Variants in FAM53A observed in about 807,000 individuals in gnomAD.
FAM53A encodes the protein protein FAM53A.
FAM53A carries 28 observed loss-of-function variants against 26.6 expected under a neutral mutation model. The observed-to-expected ratio is 1.05, with a 90% CI of 0.78 to 1.45. The LOEUF (loss-of-function observed/expected upper bound fraction) is 1.45, where lower values mean the gene tolerates loss of function less well. Among genes scored for constraint, FAM53A ranks in the 40% most tolerant of loss-of-function variants. The pLI is 0.00. For missense variants in FAM53A, 650 were observed against 575.8 expected, an observed-to-expected ratio of 1.13 and a Z score of -1.32; for synonymous variants, 290 against 253.1, an observed-to-expected ratio of 1.15 and a Z score of -1.38.
chr4:1,668,551 C>T (rs755103056), intron 2 of FAM53A, 116 bp downstream of exon 2: 2 of 1,167,754 alleles, frequency 1.7e-6, no homozygotes, highest in South Asian at 1.4e-5. Flanking sequence ...CCTGGCCCAG[C>T]AGGGCCCCCC....
chr4:1,670,557 G>A (rs973082601), intron 1 of FAM53A, among the ~76,000 whole-genome samples: 1 of 152,196 alleles, frequency 6.6e-6, no homozygotes, highest in African/African-American at 2.4e-5. Context: ...GCTAAAGGCT[G>A]TGCCCGCCTG....
At chr4:1,666,672 A>G (rs1714259041) in intron 2 of FAM53A, among the ~76,000 whole-genome samples, 1 of 152,278 alleles carries the variant, frequency 6.6e-6, no homozygotes, top group Middle Eastern at 3.2e-3. Flanking sequence ...GGTCTTGGTT[A>G]GAGACACCTT....
chr4:1,615,729 C>T (rs530531475), downstream of FAM53A, among the ~76,000 whole-genome samples: 4 of 152,400 alleles, frequency 2.6e-5, no homozygotes, highest in South Asian at 8.3e-4. Flanking sequence ...AGAATGACCA[C>T]AAAAGCACCA....
At chr4:1,582,657 A>T in the FAM53A span, among the ~76,000 whole-genome samples, 2 of 152,180 alleles carry the variant, frequency 1.3e-5, no homozygotes, top group East Asian at 3.9e-4. Flanking sequence ...GGAGTTCAAG[A>T]CCAGCCTGGG....
At chr4:1,646,168 T>C (rs1358771411) in intron 4 of FAM53A, among the ~76,000 whole-genome samples, 3 of 152,040 alleles carry the variant, frequency 2.0e-5, no homozygotes, top group Non-Finnish European at 2.9e-5. Flanking sequence ...TGGCGCGGTC[T>C]CGGCTCACTG....
the FAM53A span, among the ~76,000 whole-genome samples, chr4:1,590,715 A>T: frequency 6.6e-6 from 1 of 151,798 alleles, no homozygotes; most frequent in Non-Finnish European, 1.5e-5. Context: ...TTTGTGAATA[A>T]TAAGTGTGCA....
chr4:1,608,975 G>A, the FAM53A span, among the ~76,000 whole-genome samples: 1 of 152,056 alleles, frequency 6.6e-6, no homozygotes, highest in Non-Finnish European at 1.5e-5. Flanking sequence ...GACACAGATG[G>A]CCCAGCGCTG....
At chr4:1,588,635 C>T in the FAM53A span, among the ~76,000 whole-genome samples, 1 of 152,204 alleles carries the variant, frequency 6.6e-6, no homozygotes, top group African/African-American at 2.4e-5. Context: ...AAGACGAATT[C>T]TCCAGCCCAG....
chr4:1,655,198 C>T lies in FAM53A; in HGVS notation c.662G>A (p.Arg221His), dbSNP rs370251492. The T allele has an allele frequency of 6.1e-5, 95 of 1,558,682 alleles. No individual in the cohort carries two copies. In the African/African-American group the frequency reaches 9.6e-4, roughly 16 times the overall value. ...GAGTCGCTCCTGTGAGAGGGACGGG[C>T]GGCGCCTCGTGGAGGGCAAGCAGGA... ...AESCLPSTRRRPSLSQERLAG... is the reference protein window; with the variant it reads ...AESCLPSTRRHPSLSQERLAG... Residue 221 changes from arginine to histidine, a missense_variant, in exon 4 of 5, where the codon CGC becomes CAC. By Grantham distance (29) the Arg-to-His change is conservative. Transcript: ENST00000308132.
In FAM53A at chr4:1,684,214, C is replaced by G. The variant is rs1275685302; in HGVS notation, c.-165+19G>C. ...CAAGAGAGGAGGGGGCGGCGGCGCG[C>G]TCCGCCCGGGCTCGGTACCTGAGCG... On this transcript the variant is annotated intron_variant, in intron 1 of 4. Transcript: ENST00000308132. 1 of 151,346 alleles carries G rather than the reference C, an allele frequency of 6.6e-6. No individual in the cohort carries two copies. Among genetic ancestry groups the G allele is most frequent in the Non-Finnish European group, 1.5e-5 (1 of 67,704 alleles). The allele number at this position is 151,346 out of a possible 1,614,324, so 9.4% of individuals were successfully genotyped here. A position where few individuals can be genotyped will look rare whatever the true frequency, so the allele number is the denominator to read the frequency against.
At chr4:1,613,386 G>A (rs1049602378), downstream of FAM53A, among the ~76,000 whole-genome samples, 3 of 152,208 alleles carry the variant, frequency 2.0e-5, no homozygotes, top group African/African-American at 4.8e-5. Context: ...CCCTCGGTAA[G>A]GGCCCTAATC....
At chr4:1,615,305 G>A (rs576418273), downstream of FAM53A, among the ~76,000 whole-genome samples, 171 of 124,266 alleles carry the variant, frequency 1.4e-3, 1 homozygote, top group Non-Finnish European at 2.5e-3. Flanking sequence ...ACAGGATGCG[G>A]CCACACCCAC....
rs1370584790 is a variant in FAM53A, at chr4:1,665,176, G to C, written c.75+3491C>G. Reference sequence around the variant, plus strand: ...TTAAAAATACAAAAAAAATTAGCCGGGCGTGGTGGCGCATGCCTGTAGTCC... The same window carrying C: ...TTAAAAATACAAAAAAAATTAGCCGCGCGTGGTGGCGCATGCCTGTAGTCC... On this transcript the variant is annotated intron_variant, in intron 2 of 4. Transcript: ENST00000308132. Among the ~76,000 whole-genome samples the C allele has an allele frequency of 2.0e-5, 3 of 152,090 alleles. No individual in the cohort carries two copies. In the East Asian group the frequency reaches 5.8e-4, roughly 29 times the overall value.
the FAM53A span, among the ~76,000 whole-genome samples, chr4:1,584,841 G>T: frequency 0.028 from 4,219 of 152,340 alleles, 128 homozygotes; most frequent in African/African-American, 0.072. Flanking sequence ...GTCATGCAGT[G>T]TCATTTGCAT....
At chr4:1,652,119 GCC>G in intron 4 of FAM53A, among the ~76,000 whole-genome samples, 1 of 69,620 alleles carries the variant, frequency 1.4e-5, no homozygotes, top group South Asian at 4.4e-4. Context: ...ACACACACAC[GCC>G]ACACACACCT....
the FAM53A span, among the ~76,000 whole-genome samples, chr4:1,592,638 CGTGA>C: frequency 6.6e-6 from 1 of 152,302 alleles, no homozygotes; most frequent in East Asian, 1.9e-4. Flanking sequence ...AGCCCAGGGC[CGTGA>C]CACTGGAGAG....
chr4:1,585,691 G>A, the FAM53A span, among the ~76,000 whole-genome samples: 1 of 152,046 alleles, frequency 6.6e-6, no homozygotes, highest in Admixed American at 6.5e-5. Context: ...TGAACATAAG[G>A]TCCTCCATGT....
At chr4:1,614,830 C>T (rs1264829825), downstream of FAM53A, among the ~76,000 whole-genome samples, 1 of 152,216 alleles carries the variant, frequency 6.6e-6, no homozygotes, top group African/African-American at 2.4e-5. Context: ...AGCGGTGCCA[C>T]AGCTCCCACC....
chr4:1,670,477 T>C (rs1430217169), intron 1 of FAM53A, among the ~76,000 whole-genome samples: 1 of 152,160 alleles, frequency 6.6e-6, no homozygotes, highest in Non-Finnish European at 1.5e-5. Context: ...CCAGGCAGGG[T>C]CTGTGCACAG....
Sources: gnomAD v4.1 joint callset for allele counts (sites outside exome capture counted in the v4.1 genomes callset) on GRCh38, gnomAD v4.1.1 for gene constraint, MANE v1.5 for transcripts, NCBI Gene and HGNC (gene_info 2026-07-23, HGNC 2026-07-21) for gene names.